Variants in EIF4G3 observed in about 807,000 individuals in gnomAD.
EIF4G3 encodes the protein eukaryotic translation initiation factor 4 gamma 3, also known as eIF-4-gamma 3.
A neutral mutation model predicts 186.4 loss-of-function variants in EIF4G3; 34 were observed. That is an observed-to-expected ratio of 0.18 (90% CI 0.14 to 0.24). EIF4G3 has a LOEUF of 0.24. EIF4G3 is among the 10% of genes least tolerant of loss of function. The pLI, the probability that EIF4G3 is intolerant of heterozygous loss-of-function variation, is 1.00. For synonymous variants in EIF4G3, 673 were observed against 679.5 expected (o/e 0.99, Z 0.15); for missense variants, 1,536 against 1,948.5 (o/e 0.79, Z 3.99).
chr1:21,140,958 G>A (rs2097326867), intron 2 of EIF4G3, among the ~76,000 whole-genome samples: 1 of 152,098 alleles, frequency 6.6e-6, no homozygotes, highest in African/African-American at 2.4e-5. Context: ...ATTTGAGAAT[G>A]ACTTAATGAA....
At chr1:20,965,356 C>CT (rs1289762827) in intron 12 of EIF4G3, among the ~76,000 whole-genome samples, 1 of 152,208 alleles carries the variant, frequency 6.6e-6, no homozygotes, top group East Asian at 1.9e-4. Context: ...CTCTCTCTCC[C>CT]TTACATCTGG....
In EIF4G3 at chr1:20,857,510, C is replaced by T. The variant is rs775194616; in HGVS notation, c.3245-13G>A. 4 of 1,606,110 alleles carry T rather than the reference C, an allele frequency of 2.5e-6. No individual in the cohort carries two copies. The highest frequency in any genetic ancestry group is 4.5e-5 in the East Asian group (2 of 44,860). ...ACTCTCTGGACACCTGCAGGGAGAA[C>T]AGAGTGGGAGTCTCTCATCTGTCTC... On this transcript the variant is annotated splice_polypyrimidine_tract_variant and intron_variant, in intron 24 of 36. Coordinates refer to ENST00000602326, the MANE Select transcript of EIF4G3 (RefSeq NM_001391906.1).
At chr1:20,865,024 G>C in intron 21 of EIF4G3, 92 bp downstream of exon 21, 1 of 1,420,804 alleles carries the variant, frequency 7.0e-7, no homozygotes. Context: ...TCCCTCTTAA[G>C]GTAGCAGGGA....
intron 7 of EIF4G3, among the ~76,000 whole-genome samples, chr1:20,996,331 C>G (rs2082280393): frequency 6.6e-6 from 1 of 152,024 alleles, no homozygotes; most frequent in Admixed American, 6.6e-5. Flanking sequence ...ATGGCGAAGT[C>G]CAAGCTCTTA....
chr1:21,112,215 T>C (rs1043545679), intron 2 of EIF4G3, among the ~76,000 whole-genome samples: 2 of 152,216 alleles, frequency 1.3e-5, no homozygotes, highest in Non-Finnish European at 2.9e-5. Flanking sequence ...CTTCATCCTG[T>C]AGTCATCATT....
chr1:21,094,547 C>T (rs955544990), intron 2 of EIF4G3, among the ~76,000 whole-genome samples: 6 of 148,940 alleles, frequency 4.0e-5, no homozygotes, highest in Non-Finnish European at 7.4e-5. Context: ...CACATGTTCT[C>T]ACTCATAGGT....
At chr1:20,916,304 G>A (rs1267441465) in intron 14 of EIF4G3, among the ~76,000 whole-genome samples, 4 of 151,904 alleles carry the variant, frequency 2.6e-5, no homozygotes, top group African/African-American at 4.8e-5. Context: ...AAATTAGCCC[G>A]GGCGTGGTGG....
chr1:20,967,960 T>C (rs1425033221), intron 12 of EIF4G3, among the ~76,000 whole-genome samples: 1 of 152,160 alleles, frequency 6.6e-6, no homozygotes, highest in African/African-American at 2.4e-5. Flanking sequence ...GCTTTCACTT[T>C]AGACAATTTT....
intron 13 of EIF4G3, among the ~76,000 whole-genome samples, chr1:20,949,623 T>G (rs1298524979): frequency 1.3e-5 from 2 of 152,196 alleles, no homozygotes; most frequent in African/African-American, 4.8e-5. Context: ...TCTTTTTTTC[T>G]TTTTTAAAAT....
At chr1:20,924,736 A>G (rs1051760893) in intron 14 of EIF4G3, among the ~76,000 whole-genome samples, 3 of 152,028 alleles carry the variant, frequency 2.0e-5, no homozygotes, top group Admixed American at 2.0e-4. Context: ...TAACTTCTAT[A>G]TTTTTAGTAG....
intron 18 of EIF4G3, chr1:20,892,990 C>A: frequency 2.6e-6 from 1 of 388,312 alleles, no homozygotes; most frequent in Non-Finnish European, 4.6e-6. Context: ...TCACTGTAGC[C>A]TGGACCTCCT....
chr1:21,070,234 GA>G (rs1039846480), intron 3 of EIF4G3, among the ~76,000 whole-genome samples: 1 of 150,306 alleles, frequency 6.7e-6, no homozygotes, highest in African/African-American at 2.4e-5. Flanking sequence ...TAAGACTGTG[GA>G]AAAAAAAAGT....
At chr1:20,987,688 C>T (rs1013134256) in intron 7 of EIF4G3, among the ~76,000 whole-genome samples, 9 of 152,100 alleles carry the variant, frequency 5.9e-5, no homozygotes, top group African/African-American at 1.9e-4. Context: ...TGTCTGTTGT[C>T]CCCCCGCCTC....
At chr1:20,851,642 C>A (rs1431786493) in intron 27 of EIF4G3, among the ~76,000 whole-genome samples, 164 bp from the exon 28 acceptor site, 1 of 152,122 alleles carries the variant, frequency 6.6e-6, no homozygotes, top group Non-Finnish European at 1.5e-5. Context: ...ATTCAACAAA[C>A]AAGTAAAAGA....
At chr1:20,933,454 A>C (rs2095407597) in intron 14 of EIF4G3, among the ~76,000 whole-genome samples, 1 of 152,158 alleles carries the variant, frequency 6.6e-6, no homozygotes, top group South Asian at 2.1e-4. Flanking sequence ...CAGGAGTTTG[A>C]GATCAGCCTG....
chr1:21,037,633 C>G lies in EIF4G3; in HGVS notation c.-67+13233G>C, dbSNP rs369085523. On this transcript the variant is annotated intron_variant, in intron 4 of 36. Transcript: ENST00000602326. ...GCAAAGCATATTATCTGTAAAAAAG[C>G]TGTAACAGTCTGTTTTAGCTACTGA... 3.2e-4 allele frequency among the ~76,000 whole-genome samples: 48 copies of G among 152,308 alleles called. 1 individual carries two copies. The highest frequency in any genetic ancestry group is 1.1e-3 in the African/African-American group (44 of 41,558).
chr1:20,851,945 G>A (rs1296648418), intron 27 of EIF4G3, among the ~76,000 whole-genome samples: 1 of 152,190 alleles, frequency 6.6e-6, no homozygotes, highest in Non-Finnish European at 1.5e-5. Context: ...CTGAAACTGC[G>A]AGGAGGAAGT....
chr1:21,052,362 C>T (rs1219502179), intron 3 of EIF4G3, among the ~76,000 whole-genome samples: 1 of 152,164 alleles, frequency 6.6e-6, no homozygotes, highest in Middle Eastern at 3.2e-3. Flanking sequence ...TGAAAGAAGT[C>T]ATTCTCCTTA....
chr1:21,056,121 G>A (rs749263629), intron 3 of EIF4G3, among the ~76,000 whole-genome samples: 2 of 152,104 alleles, frequency 1.3e-5, no homozygotes, highest in Non-Finnish European at 2.9e-5. Flanking sequence ...ACTTTCAGGG[G>A]TATATCCCTA....
Sources: allele counts gnomAD v4.1 joint callset (sites outside exome capture counted in the v4.1 genomes callset), GRCh38; gene constraint gnomAD v4.1.1; transcripts MANE v1.5; gene names NCBI Gene and HGNC (gene_info 2026-07-23, HGNC 2026-07-21).